SKIC3: variants seen among roughly 807,000 people sequenced by gnomAD.
SKIC3 encodes the protein SKI3 subunit of superkiller complex, also known as superkiller complex protein 3.
the SKIC3 span, chr5:95,530,160 C>T: frequency 3.1e-5 from 50 of 1,613,526 alleles, no homozygotes; most frequent in Middle Eastern, 3.3e-4. Flanking sequence ...GCCAATGAGG[C>T]CTGGACCACT....
chr5:95,531,707 G>A, the SKIC3 span, among the ~76,000 whole-genome samples: 1 of 152,106 alleles, frequency 6.6e-6, no homozygotes, highest in East Asian at 1.9e-4. Context: ...AAGTTACCAG[G>A]TGATGCTGAT....
chr5:95,512,780 AAC>A, the SKIC3 span: 1 of 735,052 alleles, frequency 1.4e-6, no homozygotes, highest in South Asian at 1.8e-5. Flanking sequence ...ACTATGATAA[AAC>A]ACAGCGAAGA....
chr5:95,543,473 T>C, the SKIC3 span: 5 of 891,376 alleles, frequency 5.6e-6, no homozygotes, highest in Non-Finnish European at 8.8e-6. Flanking sequence ...CTATCTGGTT[T>C]CAGTTTCCTC....
the SKIC3 span, among the ~76,000 whole-genome samples, chr5:95,519,361 T>C: frequency 2.6e-5 from 4 of 152,032 alleles, no homozygotes; most frequent in African/African-American, 7.2e-5. Flanking sequence ...GAAAAGCAGA[T>C]GGAACATTTT....
chr5:95,517,339 T>C, the SKIC3 span: 1 of 1,609,330 alleles, frequency 6.2e-7, no homozygotes, highest in African/African-American at 1.3e-5. Flanking sequence ...AAAGAAACAT[T>C]GTGATTCTTA....
the SKIC3 span, chr5:95,478,515 A>G: frequency 6.3e-7 from 1 of 1,586,168 alleles, no homozygotes; most frequent in East Asian, 2.2e-5. Context: ...TACTTCCAAC[A>G]AATTCAATAA....
the SKIC3 span, chr5:95,523,887 A>C: frequency 2.3e-5 from 35 of 1,501,530 alleles, 1 homozygote; most frequent in South Asian, 3.7e-4. Context: ...TTTAATGAGT[A>C]TCTTTACAAA....
At chr5:95,508,171 A>G in the SKIC3 span, among the ~76,000 whole-genome samples, 31 of 152,196 alleles carry the variant, frequency 2.0e-4, no homozygotes, top group Non-Finnish European at 4.3e-4. Context: ...CCTTTGAACT[A>G]CGGAGAGATC....
the SKIC3 span, among the ~76,000 whole-genome samples, chr5:95,522,465 AT>A: frequency 6.6e-6 from 1 of 152,128 alleles, no homozygotes; most frequent in Admixed American, 6.6e-5. Flanking sequence ...TCCTTTTATG[AT>A]TTTTTTAATG....
the SKIC3 span, among the ~76,000 whole-genome samples, chr5:95,483,653 C>T: frequency 6.6e-6 from 1 of 152,174 alleles, no homozygotes; most frequent in African/African-American, 2.4e-5. Flanking sequence ...ACACAACCTC[C>T]ATGGTAAGCA....
the SKIC3 span, chr5:95,469,799 T>C: frequency 3.1e-6 from 5 of 1,614,156 alleles, no homozygotes; most frequent in Non-Finnish European, 4.2e-6. Flanking sequence ...ATTTTGCGTT[T>C]GAATTGTAAC....
At chr5:95,494,272 C>T in the SKIC3 span, among the ~76,000 whole-genome samples, 5 of 152,044 alleles carry the variant, frequency 3.3e-5, no homozygotes, top group Non-Finnish European at 2.9e-5. Context: ...GATAATCAAA[C>T]GATATGCAAA....
At chr5:95,523,598 T>G in the SKIC3 span, 1 of 1,554,856 alleles carries the variant, frequency 6.4e-7, no homozygotes, top group Admixed American at 1.8e-5. Context: ...TAAAAATATT[T>G]TCATTTATAT....
At chr5:95,514,842 T>C in the SKIC3 span, 1 of 1,610,656 alleles carries the variant, frequency 6.2e-7, no homozygotes, top group Admixed American at 1.7e-5. Context: ...TAACTATATG[T>C]TATATTTCTT....
At chr5:95,502,981 A>G in the SKIC3 span, 349 of 1,614,024 alleles carry the variant, frequency 2.2e-4, no homozygotes, top group Non-Finnish European at 2.9e-4. Context: ...CCGATTCAAC[A>G]ATAGACAAGG....
chr5:95,527,767 G>A, the SKIC3 span, among the ~76,000 whole-genome samples: 7 of 152,278 alleles, frequency 4.6e-5, no homozygotes, highest in East Asian at 5.8e-4. Context: ...AGGAAGAAAC[G>A]AGAATGAAGT....
At chr5:95,524,578 G>C in the SKIC3 span, 1 of 1,613,414 alleles carries the variant, frequency 6.2e-7, no homozygotes, top group African/African-American at 1.3e-5. Context: ...TCTTTCTCAA[G>C]AGCTCTCTGA....
At chr5:95,469,664 A>G in the SKIC3 span, 1 of 1,426,576 alleles carries the variant, frequency 7.0e-7, no homozygotes, top group South Asian at 1.2e-5. Context: ...TACCCCCCAA[A>G]GTTTGTTAAA....
chr5:95,536,238 C>T, the SKIC3 span, among the ~76,000 whole-genome samples: 1 of 152,112 alleles, frequency 6.6e-6, no homozygotes, highest in South Asian at 2.1e-4. Context: ...TGCTCTATTT[C>T]ATTAAAAAAG....
Sources: gnomAD v4.1 joint callset for allele counts (sites outside exome capture counted in the v4.1 genomes callset) on GRCh38, gnomAD v4.1.1 for gene constraint, MANE v1.5 for transcripts, NCBI Gene and HGNC (gene_info 2026-07-23, HGNC 2026-07-21) for gene names.